WDR81: variants seen among roughly 807,000 people sequenced by gnomAD.
WDR81 encodes WD repeat-containing protein 81.
In WDR81, 92 loss-of-function variants were observed where a neutral mutation model predicts 140.8. The observed-to-expected ratio is 0.65, with a 90% CI of 0.55 to 0.78. The LOEUF is 0.78. Ranked by LOEUF, WDR81 falls within the 30% of genes least tolerant of loss-of-function variation. The probability of loss-of-function intolerance (pLI) is 0.00; values close to 1 mark genes in which losing one functional copy is unlikely to be tolerated. For missense variants in WDR81, 2,502 were observed against 2,636.4 expected, an observed-to-expected ratio of 0.95 and a Z score of 1.12; for synonymous variants, 1,183 against 1,156.4, an observed-to-expected ratio of 1.02 and a Z score of -0.47.
chr17:1,719,559 A>AAC (rs200734432), intron 1 of WDR81, among the ~76,000 whole-genome samples: 7 of 139,374 alleles, frequency 5.0e-5, no homozygotes, highest in Admixed American at 7.4e-5. Context: ...AAAAAAAGAA[A>AAC]AAAAAAAAAA....
chr17:1,728,955 AAAAAC>A (rs1020291155), intron 1 of WDR81, among the ~76,000 whole-genome samples: 10 of 151,994 alleles, frequency 6.6e-5, no homozygotes, highest in African/African-American at 1.2e-4. Context: ...TCCATCTCAA[AAAAAC>A]AAAACAAAAC....
At position 1,719,673 on chromosome 17, in the gene WDR81, T is replaced by A. The variant is rs112366032; in HGVS notation, c.-124+3040T>A. On this transcript the variant is annotated intron_variant, in intron 1 of 10. Transcript: ENST00000309182. ...TGAGCCCAAGAGTTCAAGACCAGCC[T>A]GGGCAACGTGGCAAGACCCTCTTTA... Among the ~76,000 whole-genome samples, 113 of 151,152 alleles carry A rather than the reference T, an allele frequency of 7.5e-4. 2 individuals are homozygous for A. Among genetic ancestry groups the A allele is most frequent in the African/African-American group, 2.6e-3 (105 of 41,112 alleles).
At chr17:1,723,849 G>C (rs1915032180), upstream of WDR81, among the ~76,000 whole-genome samples, 1 of 152,126 alleles carries the variant, frequency 6.6e-6, no homozygotes, top group South Asian at 2.1e-4. Context: ...CAGAAAGAAG[G>C]CTGGCACCAG....
At chr17:1,732,195 C>T in intron 4 of WDR81, 130 bp from the exon 5 acceptor site, 2 of 1,289,174 alleles carry the variant, frequency 1.6e-6, no homozygotes, top group East Asian at 5.1e-5. Context: ...CGAGATCGCA[C>T]CACTGCACTC....
At position 1,725,831 on chromosome 17, in the gene WDR81, T is replaced by G. The variant is rs1264231244; in HGVS notation, c.872T>G (p.Val291Gly). 1.3e-6 allele frequency: 2 copies of G among 1,550,652 alleles called. No individual in the cohort carries two copies. Among genetic ancestry groups the G allele is most frequent in the Admixed American group, 2.0e-5 (1 of 50,996 alleles). The change falls in exon 1 of 10, where the codon GTG becomes GGG. Residue 291 changes from valine (V) to glycine (G), a missense_variant. Transcript: ENST00000409644. ...GCCCTGTCTTTGTATCACATCGCAGTGGATGAGAAGCTTTGCAGCGAGCTG... is the reference window on the plus strand; with the variant it reads ...GCCCTGTCTTTGTATCACATCGCAGGGGATGAGAAGCTTTGCAGCGAGCTG... ...CGALSLYHIA[V>G]DEKLCSELRL...
upstream of WDR81, among the ~76,000 whole-genome samples, chr17:1,723,117 A>G (rs1429370500): frequency 6.6e-6 from 1 of 152,240 alleles, no homozygotes; most frequent in Admixed American, 6.5e-5. Flanking sequence ...ACTGTAGACA[A>G]TGGTCTATCT....
intron 5 of WDR81, 53 bp downstream of exon 5, chr17:1,732,543 G>A (rs1231666180): frequency 3.8e-6 from 6 of 1,595,492 alleles, no homozygotes; most frequent in Non-Finnish European, 5.1e-6. Flanking sequence ...GTGGACCTGG[G>A]TGACCCCCTG....
At position 1,728,229 on chromosome 17, in the gene WDR81, T is replaced by A; in HGVS notation, c.3270T>A (p.Tyr1090Ter). 1 of 1,609,082 alleles carries A rather than the reference T, an allele frequency of 6.2e-7. No individual in the cohort carries two copies. Among genetic ancestry groups the A allele is most frequent in the Non-Finnish European group, 8.5e-7 (1 of 1,177,322 alleles). The change falls in exon 1 of 10, where the codon TAT (tyrosine) becomes TAA (stop). Residue 1090 changes from tyrosine (Y) to a stop codon, truncating the protein, a stop_gained. Coordinates refer to ENST00000409644, the MANE Select transcript of WDR81 (RefSeq NM_001163809.2). LOFTEE classifies it high-confidence loss of function. ...PETEDFQAGL[Y>*]VTESPQPQEA... is the part of the protein sequence containing the mutation. ...CAGAGGACTTCCAAGCCGGGCTCTA[T>A]GTGACTGAGTCTCCCCAGCCCCAGG...
upstream of WDR81, among the ~76,000 whole-genome samples, chr17:1,721,821 TAA>T (rs59760249): frequency 0.02 from 2,470 of 124,738 alleles, 16 homozygotes; most frequent in Non-Finnish European, 0.03. Flanking sequence ...GACTCTGTCT[TAA>T]AAAAAAAAAA....
At position 1,736,400 on chromosome 17, in the gene WDR81, C is replaced by T. The variant is rs1041208256; in HGVS notation, c.5505+182C>T. On this transcript the variant is annotated intron_variant, in intron 9 of 9. Transcript: ENST00000409644. ...TCCACCTTGGGAGCCAGTTGCACTG[C>T]AGGGGTCTCAGCAGGAGGCAGGCCA... is the stretch of plus-strand genomic sequence containing the variant. Among the ~76,000 whole-genome samples, 7 of 152,154 alleles carry T rather than the reference C, an allele frequency of 4.6e-5. No homozygotes were observed. In the East Asian group the frequency reaches 1.2e-3, roughly 25 times the overall value.
chr17:1,716,901 C>A, intron 1 of WDR81: 1 of 564,374 alleles, frequency 1.8e-6, no homozygotes, highest in Non-Finnish European at 3.1e-6. Context: ...TCGCCTCGCC[C>A]AGCCCACTCC....
At position 1,725,271 on chromosome 17, in the gene WDR81, C is replaced by A. The variant is rs1417237267; in HGVS notation, c.312C>A (p.Arg104=). 1.3e-6 allele frequency: 2 copies of A among 1,545,544 alleles called. No homozygotes were observed. Among genetic ancestry groups the A allele is most frequent in the Non-Finnish European group, 1.7e-6 (2 of 1,146,940 alleles). The change falls in exon 1 of 10, where the codon CGC becomes CGA. Residue 104 remains arginine, a synonymous_variant. Transcript: ENST00000409644. ...AAAGGCTGCCTGCCGGCTGGACGCG[C>A]GTGGAGGTGCATGGGCTGCGGAAGC... ...SVQRLPAGWT[R]VEVHGLRKRR...
In WDR81 at chr17:1,735,352, C is replaced by A. The variant is rs1415338906; in HGVS notation, c.5180-220C>A. On this transcript the variant is annotated intron_variant, in intron 7 of 9. Transcript: ENST00000409644. This position sits in a 1 kb window ranked among gnomAD's most constrained non-coding sequence, Gnocchi z 4.2. Reference sequence around the variant, plus strand: ...GCTGAGGCAAGAGAATTGCTTGAACCTGGGAGGTGGAGGTTGCAGTGAGCC... The same window carrying A: ...GCTGAGGCAAGAGAATTGCTTGAACATGGGAGGTGGAGGTTGCAGTGAGCC... 6.6e-6 allele frequency among the ~76,000 whole-genome samples: 1 copy of A among 152,120 alleles called. No individual in the cohort carries two copies. The highest frequency in any genetic ancestry group is 1.5e-5 in the Non-Finnish European group (1 of 68,018).
In WDR81 at chr17:1,725,152, A is replaced by G; in HGVS notation, c.193A>G (p.Ser65Gly). The G allele has an allele frequency of 6.5e-7, 1 of 1,533,506 alleles. No individual in the cohort carries two copies. The highest frequency in any genetic ancestry group is 8.7e-7 in the Non-Finnish European group (1 of 1,144,380). The allele number at this position is 1,533,506 out of a possible 1,614,324, so 95.0% of individuals were successfully genotyped here. The change falls in exon 1 of 10, where the codon AGC becomes GGC. Residue 65 changes from serine (S) to glycine (G), a missense_variant. By Grantham distance (56) the Ser-to-Gly change is moderately conservative. Around this residue, in one of 3 missense-constraint regions of WDR81, gnomAD observed 547 missense variants for 513.8 expected, o/e 1.06. Transcript: ENST00000409644. ...CCTAGTGCCTGCGCGCTGGCTGGCC[A>G]GCCTCCGCGATCGCCGGCTGCCCCT... The part of the protein sequence containing the change: ...VALVPARWLA[S>G]LRDRRLPLGP...
In WDR81 at chr17:1,726,422, CG is replaced by C; in HGVS notation, c.1465del (p.Asp489MetfsTer37). 1 of 1,549,144 alleles carries C rather than the reference CG, an allele frequency of 6.5e-7. No homozygotes were observed. Among genetic ancestry groups the C allele is most frequent in the Non-Finnish European group, 8.7e-7 (1 of 1,146,594 alleles). On this transcript the variant is annotated frameshift_variant, in exon 1 of 10. Coordinates refer to ENST00000409644, the MANE Select transcript of WDR81 (RefSeq NM_001163809.2). LOFTEE classifies it high-confidence loss of function. ...ATGGAGCGGATGCAGAACTGGACCCCGGATGAGTGCATTCCGGAGTTCTACA... is the reference window on the plus strand; with the variant it reads ...ATGGAGCGGATGCAGAACTGGACCCCGATGAGTGCATTCCGGAGTTCTACA... ...ASMERMQNWTPDECIPEFYTD... is the reference protein window; with the variant it reads ...ASMERMQNWTXDECIPEFYTD...
chr17:1,724,647 G>A, upstream of WDR81: 1 of 1,026,820 alleles, frequency 9.7e-7, no homozygotes, highest in Non-Finnish European at 1.2e-6. Context: ...GTCCCGCCCG[G>A]GCCTCTGGAG....
At chr17:1,730,160 G>A (rs1188037324) in intron 1 of WDR81, among the ~76,000 whole-genome samples, 1 of 152,172 alleles carries the variant, frequency 6.6e-6, no homozygotes, top group Non-Finnish European at 1.5e-5. Context: ...TGCGGGTCGT[G>A]CCTGTGGAGA....
At position 1,734,778 on chromosome 17, in the gene WDR81, C is replaced by CA. The variant is rs35846888; in HGVS notation, c.5179+576dup. Among the ~76,000 whole-genome samples the CA allele has an allele frequency of 1.7e-3, 193 of 115,046 alleles. 1 individual carries two copies. Among genetic ancestry groups the CA allele is most frequent in the South Asian group, 7.3e-3 (27 of 3,704 alleles). The allele number at this position is 115,046 out of a possible 152,430, so 75.5% of individuals were successfully genotyped here. ...CGGGCAACAGAGCGAGACTCTGTCT[C>CA]AAAAAAAAAAAAAAGAAGAAGATAA... On this transcript the variant is annotated intron_variant, in intron 7 of 9. Coordinates refer to ENST00000409644, the MANE Select transcript of WDR81 (RefSeq NM_001163809.2).
At position 1,733,808 on chromosome 17, in the gene WDR81, G is replaced by A. The variant is rs761103438; in HGVS notation, c.4771G>A (p.Gly1591Arg). ...PLGPISGVGG[G>R]GLGSGSDDNA... ...GGGCCCCATCTCGGGGGTGGGTGGCGGGGGCCTGGGCAGCGGGAGCGACGA... is the reference window on the plus strand; with the variant it reads ...GGGCCCCATCTCGGGGGTGGGTGGCAGGGGCCTGGGCAGCGGGAGCGACGA... Residue 1591 changes from glycine to arginine, a missense_variant, in exon 7 of 10, where the codon GGG becomes AGG. This residue lies in a region of WDR81 where 1,737 missense variants were observed against 1,843.0 expected (regional missense o/e 0.94). Transcript: ENST00000409644. 24 of 1,611,836 alleles carry A rather than the reference G, an allele frequency of 1.5e-5. No homozygotes were observed. Among genetic ancestry groups the A allele is most frequent in the Admixed American group, 5.0e-5 (3 of 59,960 alleles).
Sources: allele counts gnomAD v4.1 joint callset (sites outside exome capture counted in the v4.1 genomes callset), GRCh38; gene constraint gnomAD v4.1.1; regional missense constraint gnomAD v4.1.1; non-coding constraint Gnocchi (gnomAD v3.1); transcripts MANE v1.5; gene names NCBI Gene and HGNC (gene_info 2026-07-23, HGNC 2026-07-21).